Variants in WDPCP observed in about 807,000 individuals in gnomAD.
The protein encoded by WDPCP is WD repeat-containing and planar cell polarity effector protein fritz homolog.
WDPCP carries 71 observed loss-of-function variants against 93.1 expected under a neutral mutation model. That is an observed-to-expected ratio of 0.76 (90% CI 0.63 to 0.93). The LOEUF (loss-of-function observed/expected upper bound fraction) is 0.93, where lower values mean the gene tolerates loss of function less well. Among genes scored for constraint, WDPCP ranks in the 40% least tolerant of loss-of-function variants. The probability of loss-of-function intolerance (pLI) is 0.00; values close to 1 mark genes in which losing one functional copy is unlikely to be tolerated. For missense variants in WDPCP, 844 were observed against 887.4 expected (o/e 0.95, Z 0.62); for synonymous variants, 315 against 315.0 (o/e 1.00, Z 0.00).
intron 10 of WDPCP, chr2:63,403,808 T>C (rs918170280): frequency 7.9e-6 from 4 of 506,302 alleles, no homozygotes; most frequent in African/African-American, 3.8e-5. Context: ...ATGTAAAAAT[T>C]AGGGCTTTTG....
At chr2:63,657,748 G>A (rs1710185790) in intron 2 of WDPCP, among the ~76,000 whole-genome samples, 1 of 152,076 alleles carries the variant, frequency 6.6e-6, no homozygotes, top group Non-Finnish European at 1.5e-5. Flanking sequence ...CCCATTGTTT[G>A]TAAATAGAAA....
intron 17 of WDPCP, among the ~76,000 whole-genome samples, chr2:63,152,156 T>C (rs1169709553): frequency 6.6e-6 from 1 of 152,086 alleles, no homozygotes; most frequent in Non-Finnish European, 1.5e-5. Context: ...ATACACCTTT[T>C]ATTTTTAAAT....
chr2:63,567,634 C>G (rs564429043), intron 1 of WDPCP, among the ~76,000 whole-genome samples: 1 of 152,186 alleles, frequency 6.6e-6, no homozygotes, highest in Non-Finnish European at 1.5e-5. Context: ...CTAAAAGAGG[C>G]GTTCCCCAAT....
Position 63,355,205 on chromosome 2 carries a change from G to A in WDPCP, c.1748+23181C>T, listed in dbSNP as rs148217615. On this transcript the variant is annotated intron_variant, in intron 12 of 17. Transcript: ENST00000272321. ...AAAGACAGCTAAAGAGAAAGGGCAG[G>A]TCATCTTCAAAGCAAACCCCATCAG... is the stretch of plus-strand genomic sequence containing the variant. Among the ~76,000 whole-genome samples the A allele has an allele frequency of 3.0e-3, 458 of 152,202 alleles. 3 individuals are homozygous for A. The highest frequency in any genetic ancestry group is 0.01 in the African/African-American group (424 of 41,512).
intron 13 of WDPCP, among the ~76,000 whole-genome samples, chr2:63,272,002 G>T (rs568319420): frequency 6.6e-6 from 1 of 152,218 alleles, no homozygotes; most frequent in African/African-American, 2.4e-5. Flanking sequence ...CACTGCCACT[G>T]TTGGTCCCTG....
At chr2:63,675,527 G>T (rs145046295) in intron 2 of WDPCP, among the ~76,000 whole-genome samples, 1,778 of 152,164 alleles carry the variant, frequency 0.012, 13 homozygotes, top group Non-Finnish European at 0.014. Flanking sequence ...CGCGGGGTAG[G>T]GGGGTGGCAA....
intron 2 of WDPCP, among the ~76,000 whole-genome samples, chr2:63,656,738 T>A (rs1046832424): frequency 1.2e-4 from 19 of 152,228 alleles, no homozygotes; most frequent in African/African-American, 4.3e-4. Context: ...GTGACTGTCC[T>A]CATGAACTTA....
At position 63,521,043 on chromosome 2, in the gene WDPCP, C is replaced by G. The variant is rs539696640; in HGVS notation, c.76-28103G>C. The stretch of plus-strand genomic sequence containing the variant: ...TTTTGTTACCCCCAGACCTGCCTTA[C>G]AAGAGGTCCTAAAGGGAGTGTTAAA... On this transcript the variant is annotated intron_variant, in intron 1 of 17. Transcript: ENST00000272321. 7.9e-5 allele frequency among the ~76,000 whole-genome samples: 12 copies of G among 152,186 alleles called. No homozygotes were observed. The East Asian group carries it at 2.3e-3, about 29-fold the overall frequency.
chr2:63,263,108 G>T (rs1681787227), intron 13 of WDPCP, among the ~76,000 whole-genome samples: 1 of 151,932 alleles, frequency 6.6e-6, no homozygotes, highest in Admixed American at 6.6e-5. Context: ...ATGCCCCTGA[G>T]GTCTGACAGA....
At chr2:63,630,233 G>A (rs763953587) in intron 3 of WDPCP, among the ~76,000 whole-genome samples, 12 of 152,012 alleles carry the variant, frequency 7.9e-5, no homozygotes, top group South Asian at 2.1e-4. Flanking sequence ...AACAAAACCC[G>A]GAGGAAACAA....
At chr2:63,289,835 T>C (rs1178679207) in intron 13 of WDPCP, among the ~76,000 whole-genome samples, 1 of 152,026 alleles carries the variant, frequency 6.6e-6, no homozygotes, top group Non-Finnish European at 1.5e-5. Flanking sequence ...TAAACTTTTG[T>C]CATTATAATG....
chr2:63,491,658 T>A (rs1575518652), intron 2 of WDPCP, among the ~76,000 whole-genome samples: 1 of 152,332 alleles, frequency 6.6e-6, no homozygotes, highest in Non-Finnish European at 1.5e-5. Context: ...CTGCCCCTGG[T>A]GTTCCCAACT....
chr2:63,752,217 C>T, intron 2 of WDPCP: 5 of 705,478 alleles, frequency 7.1e-6, no homozygotes, highest in Admixed American at 3.8e-5. Context: ...TTGCCACTGC[C>T]TCAATCAGTC....
At chr2:63,505,302 T>C (rs1301703220) in intron 1 of WDPCP, among the ~76,000 whole-genome samples, 5 of 152,034 alleles carry the variant, frequency 3.3e-5, no homozygotes, top group African/African-American at 1.2e-4. Context: ...CCAAAGTAGA[T>C]AACTTAGGAA....
At chr2:63,496,932 C>A (rs1318765725) in intron 1 of WDPCP, among the ~76,000 whole-genome samples, 5 of 151,522 alleles carry the variant, frequency 3.3e-5, no homozygotes. Flanking sequence ...GCCTTCATGG[C>A]AAAACCCCAT....
intron 2 of WDPCP, among the ~76,000 whole-genome samples, chr2:63,760,476 T>C (rs142962626): frequency 5.8e-4 from 88 of 152,006 alleles, no homozygotes; most frequent in African/African-American, 2.0e-3. Context: ...CTAGAACTTA[T>C]AGGCAAACTA....
chr2:63,407,417 G>C (rs1471573973), intron 9 of WDPCP, among the ~76,000 whole-genome samples: 8 of 152,196 alleles, frequency 5.3e-5, no homozygotes, highest in Non-Finnish European at 1.0e-4. Flanking sequence ...ATGAGAGGCT[G>C]TAAGTTCTGA....
intron 3 of WDPCP, chr2:63,604,571 A>C: frequency 1.3e-6 from 1 of 747,342 alleles, no homozygotes; most frequent in East Asian, 2.7e-5. Flanking sequence ...AGTCAATATA[A>C]CTCTTGTGTT....
rs1390347065 is a variant in WDPCP, at chr2:63,266,590, G to A, written c.1813-7181C>T. On this transcript the variant is annotated intron_variant, in intron 13 of 17. Coordinates refer to ENST00000272321, the MANE Select transcript of WDPCP (RefSeq NM_015910.7). ...TGGGACGCTGAGGCGGGTGGATCAC[G>A]AGGTCAGGAGTTCAAGGCCAACCTG... 2.6e-5 allele frequency among the ~76,000 whole-genome samples: 4 copies of A among 152,106 alleles called. No individual in the cohort carries two copies. The East Asian group carries it at 5.8e-4, about 22-fold the overall frequency.
Sources: allele counts gnomAD v4.1 joint callset (sites outside exome capture counted in the v4.1 genomes callset), GRCh38; gene constraint gnomAD v4.1.1; transcripts MANE v1.5; gene names NCBI Gene and HGNC (gene_info 2026-07-23, HGNC 2026-07-21).